FHOD3: variants seen among roughly 807,000 people sequenced by gnomAD.
The protein encoded by FHOD3 is formin homology 2 domain containing 3.
FHOD3 carries 90 observed loss-of-function variants against 173.0 expected under a neutral mutation model. The ratio of observed to expected loss-of-function variants is 0.52; its 90% CI spans 0.44 to 0.62. FHOD3 has a LOEUF of 0.62. Among genes scored for constraint, FHOD3 ranks in the 20% least tolerant of loss-of-function variants. The pLI, the probability that FHOD3 is intolerant of heterozygous loss-of-function variation, is 0.00. For synonymous variants in FHOD3, 828 were observed against 823.0 expected (o/e 1.01, Z -0.10); for missense variants, 1,945 against 2,034.7 (o/e 0.96, Z 0.85).
intron 3 of FHOD3, among the ~76,000 whole-genome samples, chr18:36,406,398 C>A (rs893819353): frequency 6.6e-6 from 1 of 152,120 alleles, no homozygotes; most frequent in Non-Finnish European, 1.5e-5. Flanking sequence ...GAGTTTTCCT[C>A]TCAGCGTTTA....
At chr18:36,586,547 C>T (rs1003206329) in intron 6 of FHOD3, among the ~76,000 whole-genome samples, 6 of 151,704 alleles carry the variant, frequency 4.0e-5, no homozygotes, top group South Asian at 2.1e-4. Flanking sequence ...TGCAGTGGCA[C>T]GATCTCGGCT....
intron 1 of FHOD3, among the ~76,000 whole-genome samples, chr18:36,306,249 G>A (rs957303634): frequency 2.0e-5 from 3 of 152,112 alleles, no homozygotes; most frequent in Admixed American, 6.6e-5. Context: ...TGGAGGGCTC[G>A]GAGCACAGTC....
intron 3 of FHOD3, among the ~76,000 whole-genome samples, chr18:36,394,766 G>A (rs976453663): frequency 6.6e-6 from 1 of 152,170 alleles, no homozygotes; most frequent in Admixed American, 6.5e-5. Flanking sequence ...TGTTGTTGTC[G>A]TTAATAGAAA....
chr18:36,749,137 T>G (rs144570177), intron 24 of FHOD3, among the ~76,000 whole-genome samples: 6 of 152,354 alleles, frequency 3.9e-5, no homozygotes, highest in Admixed American at 2.0e-4. Context: ...TGAAACTGTT[T>G]CCTGGCTAAG....
chr18:36,352,344 GT>G (rs1405664507), intron 1 of FHOD3, among the ~76,000 whole-genome samples: 1 of 151,926 alleles, frequency 6.6e-6, no homozygotes, highest in Non-Finnish European at 1.5e-5. Context: ...AAAAACAAAG[GT>G]TATAGACATT....
intron 5 of FHOD3, among the ~76,000 whole-genome samples, chr18:36,518,141 C>T (rs925055524): frequency 3.9e-5 from 6 of 152,176 alleles, no homozygotes; most frequent in African/African-American, 1.4e-4. Context: ...TGGGTTTAGA[C>T]TACAGGGAAG....
At chr18:36,357,880 C>A (rs2046437158) in intron 2 of FHOD3, among the ~76,000 whole-genome samples, 1 of 151,948 alleles carries the variant, frequency 6.6e-6, no homozygotes, top group Non-Finnish European at 1.5e-5. Flanking sequence ...TCTTTCTTAT[C>A]AAAACTTGAA....
At chr18:36,374,583 CTA>C (rs2047342790) in intron 3 of FHOD3, among the ~76,000 whole-genome samples, 1 of 152,174 alleles carries the variant, frequency 6.6e-6, no homozygotes, top group South Asian at 2.1e-4. Flanking sequence ...GTTATGATAA[CTA>C]TAAAAGGCGA....
At chr18:36,743,935 T>C in intron 22 of FHOD3, 97 bp from the exon 23 acceptor site, 3 of 1,356,934 alleles carry the variant, frequency 2.2e-6, no homozygotes, top group African/African-American at 1.4e-5. Flanking sequence ...AGAAACTGAA[T>C]GTTGGGTGAC....
chr18:36,622,560 A>C (rs915917574), intron 9 of FHOD3, among the ~76,000 whole-genome samples: 27 of 152,194 alleles, frequency 1.8e-4, no homozygotes, highest in African/African-American at 5.5e-4. Context: ...TAATTAAAAG[A>C]GTTAGAAGGT....
In FHOD3 at chr18:36,576,436, T is replaced by C. The variant is rs2058654366; in HGVS notation, c.512-15T>C. ...ATACATCTATAATGTCTCCTTTTTC[T>C]CTTGTTTTCTGTAGCTTTGGGCCAG... On this transcript the variant is annotated splice_polypyrimidine_tract_variant and intron_variant, in intron 5 of 28. Transcript: ENST00000590592. The C allele has an allele frequency of 6.3e-7, 1 of 1,596,290 alleles. No individual in the cohort carries two copies. The highest frequency in any genetic ancestry group is 1.7e-5 in the Admixed American group (1 of 58,682).
intron 18 of FHOD3, among the ~76,000 whole-genome samples, chr18:36,714,851 G>T (rs1177402714): frequency 3.9e-5 from 6 of 152,162 alleles, no homozygotes; most frequent in Non-Finnish European, 5.9e-5. Context: ...ATGGCCTAAG[G>T]TCCCCTGGTC....
At chr18:36,306,038 T>G (rs2092086953) in intron 1 of FHOD3, among the ~76,000 whole-genome samples, 1 of 152,190 alleles carries the variant, frequency 6.6e-6, no homozygotes, top group Non-Finnish European at 1.5e-5. Context: ...AATGAAATAT[T>G]GTTAAGGGTG....
intron 28 of FHOD3, among the ~76,000 whole-genome samples, chr18:36,775,915 C>G (rs549762444): frequency 3.2e-4 from 49 of 152,262 alleles, no homozygotes; most frequent in African/African-American, 1.1e-3. Context: ...CCAGTCTGTT[C>G]TCTGTTATGA....
intron 5 of FHOD3, among the ~76,000 whole-genome samples, chr18:36,559,789 G>A (rs977339787): frequency 6.6e-6 from 1 of 152,114 alleles, no homozygotes; most frequent in African/African-American, 2.4e-5. Context: ...AGGGCCATGA[G>A]AACACATTGC....
intron 5 of FHOD3, among the ~76,000 whole-genome samples, chr18:36,547,731 G>A (rs1280238894): frequency 6.6e-6 from 1 of 152,210 alleles, no homozygotes; most frequent in Non-Finnish European, 1.5e-5. Context: ...CCCGCAGATC[G>A]TTGGAGGCAG....
intron 5 of FHOD3, among the ~76,000 whole-genome samples, chr18:36,538,365 G>T (rs1269217240): frequency 1.3e-5 from 2 of 152,202 alleles, no homozygotes; most frequent in Non-Finnish European, 2.9e-5. Context: ...AATGATGATA[G>T]AGAAAATCAA....
chr18:36,764,284 G>A (rs967763447), intron 27 of FHOD3, among the ~76,000 whole-genome samples: 19 of 152,320 alleles, frequency 1.2e-4, no homozygotes, highest in Admixed American at 7.8e-4. Flanking sequence ...TGTCAGTGTA[G>A]AGCCAGCATA....
intron 5 of FHOD3, among the ~76,000 whole-genome samples, chr18:36,517,796 T>C (rs991848839): frequency 2.0e-5 from 3 of 152,228 alleles, no homozygotes; most frequent in African/African-American, 7.2e-5. Context: ...CATTTAAAAA[T>C]TGGGAGATTT....
Sources: allele counts gnomAD v4.1 joint callset (sites outside exome capture counted in the v4.1 genomes callset), GRCh38; gene constraint gnomAD v4.1.1; transcripts MANE v1.5; gene names NCBI Gene and HGNC (gene_info 2026-07-23, HGNC 2026-07-21).